The following METTL15 variants were observed in gnomAD, a reference collection of about 807,000 sequenced individuals.
METTL15 encodes methyltransferase 15, mitochondrial 12S rRNA N4-cytidine.
Under a neutral mutation model 38.3 loss-of-function variants are expected in METTL15, and 34 were observed. That is an observed-to-expected ratio of 0.89 (90% CI 0.68 to 1.18). METTL15 has a LOEUF of 1.18. Ranked by LOEUF, METTL15 falls within the 50% of genes most tolerant of loss-of-function variation. The pLI, the probability that METTL15 is intolerant of heterozygous loss-of-function variation, is 0.00. For synonymous variants in METTL15, 162 were observed against 170.9 expected (o/e 0.95, Z 0.41); for missense variants, 438 against 498.4 (o/e 0.88, Z 1.15).
intron 4 of METTL15, among the ~76,000 whole-genome samples, chr11:28,276,518 A>G (rs1303995031): frequency 1.3e-5 from 2 of 152,140 alleles, no homozygotes; most frequent in African/African-American, 2.4e-5. Flanking sequence ...TATTGCCCAA[A>G]GCAATCTACA....
chr11:28,495,689 T>C (rs1308795391), intron 6 of METTL15, among the ~76,000 whole-genome samples: 1 of 151,992 alleles, frequency 6.6e-6, no homozygotes, highest in Non-Finnish European at 1.5e-5. Flanking sequence ...AAAAGACCCA[T>C]AGTCTTTCCT....
At chr11:28,518,622 T>A (rs1342064786) in intron 6 of METTL15, among the ~76,000 whole-genome samples, 1 of 152,218 alleles carries the variant, frequency 6.6e-6, no homozygotes, top group East Asian at 1.9e-4. Flanking sequence ...ATCCTCATAC[T>A]GGTGGTGAAG....
chr11:28,342,656 T>C (rs1849962970), intron 3 of METTL15, among the ~76,000 whole-genome samples: 2 of 152,198 alleles, frequency 1.3e-5, no homozygotes, highest in Non-Finnish European at 2.9e-5. Flanking sequence ...CTGTTATTTA[T>C]AACCAAATCA....
At chr11:28,224,816 G>A (rs191223000) in intron 4 of METTL15, among the ~76,000 whole-genome samples, 3 of 151,522 alleles carry the variant, frequency 2.0e-5, no homozygotes, top group Non-Finnish European at 3.0e-5. Context: ...AATTATATCC[G>A]GATACATTGG....
At chr11:28,346,065 A>G (rs892970730) in intron 3 of METTL15, among the ~76,000 whole-genome samples, 8 of 152,242 alleles carry the variant, frequency 5.3e-5, no homozygotes, top group South Asian at 2.1e-4. Flanking sequence ...TTTTAAAGAC[A>G]CATCTTTAGC....
intron 6 of METTL15, among the ~76,000 whole-genome samples, chr11:28,493,006 G>A (rs1254547699): frequency 6.6e-6 from 1 of 152,150 alleles, no homozygotes; most frequent in East Asian, 1.9e-4. Context: ...GGTAGATCAT[G>A]AATATCCTGG....
chr11:28,334,572 C>T (rs1245880496), downstream of METTL15, among the ~76,000 whole-genome samples: 1 of 151,908 alleles, frequency 6.6e-6, no homozygotes, highest in Non-Finnish European at 1.5e-5. Context: ...AACCACAATG[C>T]CATATGTTTG....
chr11:28,442,500 C>A (rs1416894018), intron 6 of METTL15, among the ~76,000 whole-genome samples: 1 of 151,938 alleles, frequency 6.6e-6, no homozygotes, highest in African/African-American at 2.4e-5. Context: ...TTTTGGAGAA[C>A]ACGTATACAC....
downstream of METTL15, among the ~76,000 whole-genome samples, chr11:28,334,288 A>G (rs1464562481): frequency 6.6e-6 from 1 of 152,040 alleles, no homozygotes; most frequent in Admixed American, 6.6e-5. Context: ...TAATTTTGGC[A>G]CATACCATGA....
At chr11:28,435,373 A>G (rs1193585560) in intron 6 of METTL15, among the ~76,000 whole-genome samples, 1 of 152,228 alleles carries the variant, frequency 6.6e-6, no homozygotes, top group Non-Finnish European at 1.5e-5. Context: ...TTGAAACTAC[A>G]TAGCAGTCAC....
At chr11:28,282,232 T>C (rs1353059070) in intron 4 of METTL15, among the ~76,000 whole-genome samples, 1 of 152,206 alleles carries the variant, frequency 6.6e-6, no homozygotes, top group East Asian at 1.9e-4. Context: ...ATTTGGTCTC[T>C]ACCCAGATTT....
intron 4 of METTL15, among the ~76,000 whole-genome samples, chr11:28,231,277 G>A (rs1477493016): frequency 1.3e-5 from 2 of 151,738 alleles, no homozygotes; most frequent in Admixed American, 6.6e-5. Flanking sequence ...GCTTTAAATA[G>A]CATGGAATAA....
intron 5 of METTL15, among the ~76,000 whole-genome samples, chr11:28,392,989 A>G (rs1207680498): frequency 6.6e-6 from 1 of 152,122 alleles, no homozygotes; most frequent in Non-Finnish European, 1.5e-5. Flanking sequence ...CAACGGGGAA[A>G]AAAAAGAAAA....
rs374325631 is a variant in METTL15 at position 28,384,496 on chromosome 11, G to T, written c.*358+22460G>T. Reference sequence around the variant, plus strand: ...GCTAATTTTTTTTATTTTTAGTAGAGATGTGGTTTCACCATGTTGGCCAGG... The same window carrying T: ...GCTAATTTTTTTTATTTTTAGTAGATATGTGGTTTCACCATGTTGGCCAGG... On this transcript the variant is annotated intron_variant and NMD_transcript_variant, in intron 5 of 7. Transcript: ENST00000532947. 6.6e-5 allele frequency among the ~76,000 whole-genome samples: 10 copies of T among 152,048 alleles called. No individual in the cohort carries two copies. In the South Asian group the frequency reaches 2.1e-3, roughly 32 times the overall value.
At chr11:28,352,824 G>T (rs537072311) in intron 4 of METTL15, among the ~76,000 whole-genome samples, 2 of 152,210 alleles carry the variant, frequency 1.3e-5, no homozygotes, top group East Asian at 3.9e-4. Flanking sequence ...ACAGCTCAAT[G>T]GTTCAATGTT....
At chr11:28,260,350 A>G (rs1029986600) in intron 4 of METTL15, among the ~76,000 whole-genome samples, 1 of 152,082 alleles carries the variant, frequency 6.6e-6, no homozygotes, top group African/African-American at 2.4e-5. Context: ...ACCCCTTTTT[A>G]TCACTACCTC....
chr11:28,141,395 A>T (rs897421966), intron 3 of METTL15, among the ~76,000 whole-genome samples: 1 of 152,140 alleles, frequency 6.6e-6, no homozygotes, highest in East Asian at 1.9e-4. Context: ...TAGTGCTGTT[A>T]TCTAAAGGAG....
chr11:28,483,498 T>C (rs1167536108), intron 6 of METTL15, among the ~76,000 whole-genome samples: 1 of 152,160 alleles, frequency 6.6e-6, no homozygotes, highest in Non-Finnish European at 1.5e-5. Context: ...TACATGATCC[T>C]GGACCCAGGG....
At position 28,470,992 on chromosome 11, in the gene METTL15, C is replaced by A. The variant is rs1029725960; in HGVS notation, c.*424+46628C>A. ...TAGTGGCCTAAAACAACAACAACTT[C>A]TTCTTACCTCTGATATTTCTGTGGA... On this transcript the variant is annotated intron_variant and NMD_transcript_variant, in intron 6 of 7. Transcript: ENST00000532947. Among the ~76,000 whole-genome samples the A allele has an allele frequency of 3.3e-5, 5 of 152,230 alleles. 1 individual carries two copies. The highest frequency in any genetic ancestry group is 6.8e-3 in the Middle Eastern group (2 of 294).
Sources: allele counts gnomAD v4.1 joint callset (sites outside exome capture counted in the v4.1 genomes callset), GRCh38; gene constraint gnomAD v4.1.1; transcripts MANE v1.5; gene names NCBI Gene and HGNC (gene_info 2026-07-23, HGNC 2026-07-21).